KRT83: variants seen among roughly 807,000 people sequenced by gnomAD.
KRT83 encodes the protein keratin 83.
In KRT83, 51 loss-of-function variants were observed where a neutral mutation model predicts 52.9. That is an observed-to-expected ratio of 0.96 (90% confidence interval 0.77 to 1.22). The LOEUF is 1.22. Among genes scored for constraint, KRT83 ranks in the 50% most tolerant of loss-of-function variants. The pLI is 0.00. For synonymous variants in KRT83, 278 were observed against 274.1 expected, an observed-to-expected ratio of 1.01 and a Z score of -0.14; for missense variants, 654 against 666.5, an observed-to-expected ratio of 0.98 and a Z score of 0.21.
chr12:52,316,219 C>T, intron 6 of KRT83, 106 bp from the exon 7 acceptor site: 1 of 1,465,408 alleles, frequency 6.8e-7, no homozygotes, highest in Non-Finnish European at 9.2e-7. Context: ...AATATTATCT[C>T]TCCAATCAGC....
In KRT83 at chr12:52,317,037, G is replaced by A. The variant is rs1196629947; in HGVS notation, c.751-14C>T. 6.2e-7 allele frequency: 1 copy of A among 1,614,200 alleles called. No individual in the cohort carries two copies. The highest frequency in any genetic ancestry group is 8.5e-7 in the Non-Finnish European group (1 of 1,180,040). On this transcript the variant is annotated splice_polypyrimidine_tract_variant and intron_variant, in intron 4 of 8. Transcript: ENST00000293670. The stretch of plus-strand genomic sequence containing the variant: ...AATGCGGATCTCCTGCAGGAGGTGG[G>A]GAAAGGAAGGACAACTCACTTATCT...
In KRT83 at chr12:52,314,614, G is replaced by A. The variant is rs1466941190; in HGVS notation, c.*17C>T. ...CTGGCAGGCAGAAGGGGCTCCCCTG[G>A]CTCTCTTTTGGGCCACTTAATGCCT... On this transcript the variant is annotated 3_prime_UTR_variant, in exon 9 of 9. Transcript: ENST00000293670. 1 of 1,554,190 alleles carries A rather than the reference G, an allele frequency of 6.4e-7. No individual in the cohort carries two copies. Among genetic ancestry groups the A allele is most frequent in the Non-Finnish European group, 8.7e-7 (1 of 1,148,822 alleles).
rs1000243240 is a variant in KRT83 at position 52,314,479 on chromosome 12, G to A, written c.*152C>T. On this transcript the variant is annotated 3_prime_UTR_variant, in exon 9 of 9. Coordinates refer to ENST00000293670, the MANE Select transcript of KRT83 (RefSeq NM_002282.3). Reference sequence around the variant, plus strand: ...CAGGCCCCTTTCCAGTGGGATGAAAGGTGGGGAGGAGCCGCTGGTGGGAAT... The same window carrying A: ...CAGGCCCCTTTCCAGTGGGATGAAAAGTGGGGAGGAGCCGCTGGTGGGAAT... The A allele has an allele frequency of 1.3e-6, 1 of 746,364 alleles. No individual in the cohort carries two copies. The highest frequency in any genetic ancestry group is 1.7e-5 in the African/African-American group (1 of 57,864). 46.2% of individuals were successfully genotyped at this position (746,364 alleles called of 1,614,324 possible). A position where few individuals can be genotyped will look rare whatever the true frequency, so the allele number is the denominator to read the frequency against.
chr12:52,318,366 G>A (rs1164283500), intron 2 of KRT83, among the ~76,000 whole-genome samples: 4 of 152,094 alleles, frequency 2.6e-5, no homozygotes, highest in African/African-American at 9.7e-5. Flanking sequence ...TTTGGTGGAG[G>A]TTGGGAGAGC....
At chr12:52,316,663 T>C (rs1938692961) in intron 5 of KRT83, 70 bp from the exon 6 acceptor site, 2 of 1,610,846 alleles carry the variant, frequency 1.2e-6, no homozygotes, top group South Asian at 2.2e-5. Flanking sequence ...GCTCAGATGA[T>C]TGCACAGATT....
intron 4 of KRT83, 150 bp from the exon 5 acceptor site, chr12:52,317,173 G>T (rs1938701284): frequency 2.8e-6 from 3 of 1,086,662 alleles, no homozygotes; most frequent in Non-Finnish European, 4.0e-6. Flanking sequence ...TGCACAAATA[G>T]GAAATCCCTT....
At chr12:52,315,166 C>T in intron 8 of KRT83, 146 bp downstream of exon 8, 3 of 871,050 alleles carry the variant, frequency 3.4e-6, no homozygotes, top group Non-Finnish European at 5.9e-6. Context: ...GAGCTAACCT[C>T]AGTCTGTCTT....
Position 52,321,008 on chromosome 12 carries a change from C to A in KRT83, c.328G>T (p.Glu110Ter), listed in dbSNP as rs201373391. ...IDPNAQCVKQ[E>*]EKEQIKSLNS... is the part of the protein sequence containing the mutation. Reference sequence around the variant, plus strand: ...AGGGACTTGATCTGCTCCTTCTCCTCCTGCTTCACGCACTGCGCGTTGGGG... The same window carrying A: ...AGGGACTTGATCTGCTCCTTCTCCTACTGCTTCACGCACTGCGCGTTGGGG... Residue 110 changes from glutamate (E) to a stop codon, truncating the protein, a stop_gained, in exon 1 of 9, where the codon GAG (glutamate) becomes TAG (stop). Transcript: ENST00000293670. LOFTEE classifies it high-confidence loss of function. 7.2e-5 allele frequency: 116 copies of A among 1,613,436 alleles called. No homozygotes were observed. Among genetic ancestry groups the A allele is most frequent in the Non-Finnish European group, 5.6e-5 (66 of 1,179,894 alleles).
chr12:52,321,102 G>C lies in KRT83; in HGVS notation c.234C>G (p.Pro78=). ...FGYRSGGVCG[P]SPPCITTVSV... ...ACACGGTGGTGATGCATGGGGGGCT[G>C]GGTCCGCACACGCCCCCGGAGCGGT... The change falls in exon 1 of 9, where the codon CCC becomes CCG. Residue 78 remains proline, a synonymous_variant. Coordinates refer to ENST00000293670, the MANE Select transcript of KRT83 (RefSeq NM_002282.3). 1 of 1,612,324 alleles carries C rather than the reference G, an allele frequency of 6.2e-7. No homozygotes were observed. The highest frequency in any genetic ancestry group is 8.5e-7 in the Non-Finnish European group (1 of 1,179,898).
rs1341188290 is a variant in KRT83 at position 52,319,459 on chromosome 12, C to G, written c.385-95G>C. The G allele has an allele frequency of 4.5e-6, 7 of 1,546,840 alleles. No individual in the cohort carries two copies. In the East Asian group the frequency reaches 1.1e-4, roughly 25 times the overall value. ...CGAGGGCCTGAAAGCCCCCAACTCT[C>G]TGACCCAGAGTCTTCCCTGGAAGGC... On this transcript the variant is annotated intron_variant, in intron 1 of 8. Transcript: ENST00000293670.
chr12:52,317,093 T>G (rs1938700127), intron 4 of KRT83, 70 bp from the exon 5 acceptor site: 2 of 1,602,416 alleles, frequency 1.2e-6, no homozygotes, highest in Non-Finnish European at 1.7e-6. Context: ...ATGCCTATCA[T>G]CCTTTTGGCT....
intron 4 of KRT83, 112 bp downstream of exon 4, chr12:52,317,569 G>A (rs1295344610): frequency 4.0e-5 from 50 of 1,246,840 alleles, no homozygotes; most frequent in Admixed American, 5.1e-5. Flanking sequence ...CCCTCCAGCC[G>A]TGAGCCTGGG....
intron 3 of KRT83, 49 bp downstream of exon 3, chr12:52,317,861 T>C: frequency 1.2e-6 from 2 of 1,611,412 alleles, no homozygotes; most frequent in East Asian, 4.5e-5. Context: ...ACAAAGAGGA[T>C]GGGTGGCGGG....
Position 52,321,264 on chromosome 12 carries a change from C to A in KRT83, c.72G>T (p.Gly24=). ...TGATGCAGCAGCGGCTTGGCCGGGGCCCGCAGGCAGAGACACAGCTGAAGT... is the reference window on the plus strand; with the variant it reads ...TGATGCAGCAGCGGCTTGGCCGGGGACCGCAGGCAGAGACACAGCTGAAGT... The part of the protein sequence containing the change: ...PGNFSCVSAC[G]PRPSRCCITA... Residue 24 remains glycine (G), a synonymous_variant, in exon 1 of 9, where the codon GGG becomes GGT. Transcript: ENST00000293670. The A allele has an allele frequency of 1.2e-6, 2 of 1,613,440 alleles. No individual in the cohort carries two copies. The highest frequency in any genetic ancestry group is 8.5e-7 in the Non-Finnish European group (1 of 1,179,950).
At chr12:52,320,768 A>C (rs1292321252) in intron 1 of KRT83, among the ~76,000 whole-genome samples, 184 bp downstream of exon 1, 2 of 152,118 alleles carry the variant, frequency 1.3e-5, no homozygotes, top group Non-Finnish European at 2.9e-5. Context: ...CTCCCCCATC[A>C]GTCTGGTAGC....
At chr12:52,317,633 G>A (rs1938707113) in intron 4 of KRT83, 48 bp downstream of exon 4, 1 of 1,593,702 alleles carries the variant, frequency 6.3e-7, no homozygotes, top group Non-Finnish European at 8.6e-7. Flanking sequence ...CAGAGGGTCA[G>A]GGATCCCATG....
chr12:52,318,013 T>C, intron 2 of KRT83, 43 bp from the exon 3 acceptor site: 1 of 1,569,420 alleles, frequency 6.4e-7, no homozygotes. Flanking sequence ...GAACAGCTCT[T>C]GATCTTGGCC....
Position 52,317,952 on chromosome 12 carries a change from T to C in KRT83, c.612A>G (p.Ala204=). Residue 204 remains alanine, a synonymous_variant, in exon 3 of 9, where the codon GCA becomes GCG. Coordinates refer to ENST00000293670, the MANE Select transcript of KRT83 (RefSeq NM_002282.3). ...GYKKKYEEEV[A]LRATAENEFV... ...ACTCGTTCTCTGCTGTGGCTCGAAG[T>C]GCTACTTCTTCTTCATACCTGAGGT... 1 of 1,613,776 alleles carries C rather than the reference T, an allele frequency of 6.2e-7. No homozygotes were observed. Among genetic ancestry groups the C allele is most frequent in the Non-Finnish European group, 8.5e-7 (1 of 1,179,974 alleles).
At chr12:52,320,166 ATT>A (rs5798207) in intron 1 of KRT83, among the ~76,000 whole-genome samples, 43 of 150,878 alleles carry the variant, frequency 2.8e-4, no homozygotes, top group African/African-American at 8.8e-4. Flanking sequence ...GAAATTCCAC[ATT>A]TTTTTTTCCC....
Sources: allele counts gnomAD v4.1 joint callset (sites outside exome capture counted in the v4.1 genomes callset), GRCh38; gene constraint gnomAD v4.1.1; transcripts MANE v1.5; gene names NCBI Gene and HGNC (gene_info 2026-07-23, HGNC 2026-07-21).